The following AGK variants were observed in gnomAD, a reference collection of about 807,000 sequenced individuals.
The protein encoded by AGK is acylglycerol kinase, mitochondrial.
AGK carries 52 observed loss-of-function variants against 66.4 expected under a neutral mutation model. The ratio of observed to expected loss-of-function variants is 0.78; its 90% CI spans 0.63 to 0.99. The LOEUF is 0.99. Among genes scored for constraint, AGK ranks in the 50% least tolerant of loss-of-function variants. AGK has a pLI of 0.00. For synonymous variants in AGK, 182 were observed against 181.1 expected (o/e 1.00, Z -0.04); for missense variants, 451 against 506.6 (o/e 0.89, Z 1.05).
chr7:141,580,466 G>T (rs1045095959), intron 2 of AGK, among the ~76,000 whole-genome samples: 9 of 152,132 alleles, frequency 5.9e-5, no homozygotes, highest in African/African-American at 2.2e-4. Flanking sequence ...TGGGGGTCAG[G>T]TGTGGTATCT....
intron 2 of AGK, among the ~76,000 whole-genome samples, chr7:141,572,233 G>T (rs1276250703): frequency 6.6e-6 from 1 of 152,206 alleles, no homozygotes; most frequent in East Asian, 1.9e-4. Flanking sequence ...CACCTGTGCA[G>T]CAGGATACAT....
Position 141,601,249 on chromosome 7 carries a change from A to G in AGK, c.266A>G (p.His89Arg). The change falls in exon 5 of 16, where the codon CAT (histidine) becomes CGT (arginine). Residue 89 changes from histidine (H) to arginine (R), a missense_variant. His to Arg is a conservative substitution (Grantham distance 29). Coordinates refer to ENST00000649286, the MANE Select transcript of AGK (RefSeq NM_018238.4). ...GAAAAAAATGCTGCCCCGATTTTAC[A>G]TTTATCTGGCATGGATGTGACTATT... is the stretch of plus-strand genomic sequence containing the variant. Reference protein sequence around the residue: ...LFEKNAAPILHLSGMDVTIVK... With the variant: ...LFEKNAAPILRLSGMDVTIVK... The G allele has an allele frequency of 6.2e-7, 1 of 1,613,092 alleles. No individual in the cohort carries two copies. Among genetic ancestry groups the G allele is most frequent in the Non-Finnish European group, 8.5e-7 (1 of 1,179,472 alleles).
rs1023424552 is a variant in AGK, at chr7:141,631,180, A to T, written c.589-2721A>T. 5.3e-5 allele frequency among the ~76,000 whole-genome samples: 8 copies of T among 152,276 alleles called. No homozygotes were observed. The South Asian group carries it at 6.2e-4, about 12-fold the overall frequency. ...AATTTTATGTATTTATTTATTATAAATTTTTACTATTGGCCACTCACTGCT... is the reference window on the plus strand; with the variant it reads ...AATTTTATGTATTTATTTATTATAATTTTTTACTATTGGCCACTCACTGCT... On this transcript the variant is annotated intron_variant, in intron 9 of 15. Coordinates refer to ENST00000649286, the MANE Select transcript of AGK (RefSeq NM_018238.4).
intron 2 of AGK, among the ~76,000 whole-genome samples, chr7:141,589,185 C>T (rs535303573): frequency 3.0e-4 from 45 of 152,184 alleles, no homozygotes; most frequent in African/African-American, 9.9e-4. Context: ...TTTTTGGGCA[C>T]GTCACTTTCC....
chr7:141,558,617 G>A (rs1037416660), intron 2 of AGK, among the ~76,000 whole-genome samples: 1 of 152,124 alleles, frequency 6.6e-6, no homozygotes, highest in Non-Finnish European at 1.5e-5. Context: ...TGGAGATCCT[G>A]TTTTTAATTA....
At chr7:141,594,396 T>C (rs1358721875) in intron 3 of AGK, among the ~76,000 whole-genome samples, 2 of 152,088 alleles carry the variant, frequency 1.3e-5, no homozygotes, top group Non-Finnish European at 2.9e-5. Context: ...GGGTTCTCCA[T>C]GTTGGCCAGG....
At position 141,565,746 on chromosome 7, in the gene AGK, T is replaced by G. The variant is rs371006456; in HGVS notation, c.101+10179T>G. On this transcript the variant is annotated intron_variant, in intron 2 of 15. Coordinates refer to ENST00000649286, the MANE Select transcript of AGK (RefSeq NM_018238.4). ...TAAAGGATTTTGCTCCCTCTACATC[T>G]CTTAATGTATTGAGTTTCTTTATCC... Among the ~76,000 whole-genome samples, 19 of 152,310 alleles carry G rather than the reference T, an allele frequency of 1.2e-4. No individual in the cohort carries two copies. The East Asian group carries it at 3.3e-3, about 26-fold the overall frequency.
chr7:141,628,351 C>T (rs1796984193), intron 9 of AGK, among the ~76,000 whole-genome samples: 1 of 152,190 alleles, frequency 6.6e-6, no homozygotes, highest in Non-Finnish European at 1.5e-5. Context: ...ACAACAGTCT[C>T]TGCTCTGGTT....
chr7:141,640,409 G>A (rs1175694825), intron 11 of AGK, among the ~76,000 whole-genome samples: 6 of 152,162 alleles, frequency 3.9e-5, no homozygotes. Context: ...GAGTGAGTAA[G>A]CAGTGGAGTG....
intron 14 of AGK, chr7:141,650,385 C>A (rs1797526084): frequency 2.9e-6 from 1 of 346,900 alleles, no homozygotes; most frequent in Non-Finnish European, 4.1e-6. Flanking sequence ...GAAATAGAGA[C>A]CCCAATTCTA....
intron 2 of AGK, among the ~76,000 whole-genome samples, chr7:141,561,722 T>C (rs887367720): frequency 4.6e-5 from 7 of 151,836 alleles, no homozygotes; most frequent in South Asian, 2.1e-4. Context: ...TGCCTGCCTA[T>C]TGGGGTTTAG....
chr7:141,570,368 C>CA (rs1175218236), intron 2 of AGK, among the ~76,000 whole-genome samples: 1 of 151,990 alleles, frequency 6.6e-6, no homozygotes, highest in Non-Finnish European at 1.5e-5. Flanking sequence ...GCCTGGGTGA[C>CA]AGAGTGAGAC....
intron 1 of AGK, among the ~76,000 whole-genome samples, chr7:141,554,351 A>AT (rs1335190174): frequency 2.2e-4 from 33 of 152,046 alleles, no homozygotes; most frequent in Admixed American, 2.2e-3. Context: ...AAAAAAAAAA[A>AT]AAAAAATTGT....
intron 5 of AGK, among the ~76,000 whole-genome samples, chr7:141,604,374 GTATATATATATATATATATATA>G (rs368893843): frequency 7.9e-5 from 9 of 113,826 alleles, no homozygotes; most frequent in African/African-American, 2.4e-4. Flanking sequence ...GTGTGTGTGT[GTATATATATATATATATATATA>G]TATATATACA....
intron 8 of AGK, chr7:141,615,836 G>A (rs910194062): frequency 4.0e-5 from 15 of 374,288 alleles, no homozygotes; most frequent in African/African-American, 6.2e-5. Context: ...GACCTAAACC[G>A]TTTTTGTGCT....
chr7:141,592,653 G>A (rs192088916), intron 2 of AGK, among the ~76,000 whole-genome samples: 3 of 152,144 alleles, frequency 2.0e-5, no homozygotes, highest in Admixed American at 2.0e-4. Context: ...TTTATTCGGA[G>A]GATGTATTTT....
At chr7:141,567,469 T>C (rs188734359) in intron 2 of AGK, among the ~76,000 whole-genome samples, 289 of 152,264 alleles carry the variant, frequency 1.9e-3, no homozygotes, top group African/African-American at 5.4e-3. Context: ...CCCCCTTCTT[T>C]TTCTCCCTTC....
intron 4 of AGK, chr7:141,596,913 C>T (rs1335488358): frequency 2.5e-6 from 1 of 393,704 alleles, no homozygotes; most frequent in East Asian, 4.8e-5. Context: ...AAGTAGTCCC[C>T]TCGGGAGCGA....
chr7:141,631,948 C>G (rs1797065709), intron 9 of AGK, among the ~76,000 whole-genome samples: 1 of 152,022 alleles, frequency 6.6e-6, no homozygotes, highest in Admixed American at 6.6e-5. Context: ...AATAAGCAAT[C>G]CTGGGTGTGG....
Sources: allele counts gnomAD v4.1 joint callset (sites outside exome capture counted in the v4.1 genomes callset), GRCh38; gene constraint gnomAD v4.1.1; transcripts MANE v1.5; gene names NCBI Gene and HGNC (gene_info 2026-07-23, HGNC 2026-07-21).